Variants in CCDC91 observed in about 807,000 individuals in gnomAD.
The protein encoded by CCDC91 is coiled-coil domain-containing protein 91.
A neutral mutation model predicts 63.2 loss-of-function variants in CCDC91; 48 were observed. The ratio of observed to expected loss-of-function variants is 0.76; its 90% CI spans 0.60 to 0.97. The LOEUF is 0.97. CCDC91 is among the 50% of genes least tolerant of loss of function. CCDC91 has a pLI of 0.00. For synonymous variants in CCDC91, 167 were observed against 165.8 expected (o/e 1.01, Z -0.06); for missense variants, 500 against 494.6 (o/e 1.01, Z -0.10).
intron 1 of CCDC91, among the ~76,000 whole-genome samples, chr12:28,214,962 A>G (rs957270189): frequency 6.6e-6 from 1 of 152,172 alleles, no homozygotes; most frequent in African/African-American, 2.4e-5. Flanking sequence ...ACATTATTCT[A>G]GGTATGTCTT....
intron 8 of CCDC91, among the ~76,000 whole-genome samples, chr12:28,401,355 T>C (rs1311995710): frequency 6.6e-6 from 1 of 152,138 alleles, no homozygotes; most frequent in East Asian, 1.9e-4. Context: ...TCAGTTCTAA[T>C]GAGAACTCCC....
chr12:28,323,881 G>A (rs956776702), intron 6 of CCDC91, among the ~76,000 whole-genome samples: 1 of 151,800 alleles, frequency 6.6e-6, no homozygotes, highest in Admixed American at 6.6e-5. Context: ...CAGTAGTGAG[G>A]GATATTGGTA....
intron 8 of CCDC91, among the ~76,000 whole-genome samples, chr12:28,437,291 A>T (rs896387485): frequency 1.3e-5 from 2 of 151,936 alleles, no homozygotes; most frequent in African/African-American, 4.8e-5. Flanking sequence ...CTTGAGGCAT[A>T]GTTTTTATTT....
At chr12:28,288,301 C>G (rs1004737486) in intron 3 of CCDC91, among the ~76,000 whole-genome samples, 2 of 152,174 alleles carry the variant, frequency 1.3e-5, no homozygotes, top group African/African-American at 4.8e-5. Flanking sequence ...GAAATGCTTT[C>G]AGCTTTTGTC....
At chr12:28,209,905 G>A (rs1457875923) in intron 1 of CCDC91, among the ~76,000 whole-genome samples, 1 of 151,778 alleles carries the variant, frequency 6.6e-6, no homozygotes, top group Non-Finnish European at 1.5e-5. Context: ...ATTTTTTTCA[G>A]TAGTCTCAAT....
At chr12:28,470,916 G>T (rs113911557) in intron 11 of CCDC91, among the ~76,000 whole-genome samples, 4,875 of 152,116 alleles carry the variant, frequency 0.032, 112 homozygotes, top group South Asian at 0.095. Context: ...GATAGTGGAA[G>T]GATGGTTACC....
At chr12:28,376,677 G>C (rs948782718) in intron 7 of CCDC91, among the ~76,000 whole-genome samples, 1 of 151,772 alleles carries the variant, frequency 6.6e-6, no homozygotes, top group African/African-American at 2.4e-5. Flanking sequence ...TTTTTAAAGA[G>C]AAAGTATCTT....
intron 7 of CCDC91, among the ~76,000 whole-genome samples, chr12:28,367,518 T>A (rs1258508005): frequency 2.6e-5 from 4 of 152,172 alleles, no homozygotes; most frequent in African/African-American, 9.7e-5. Flanking sequence ...AGACCTAAAA[T>A]TTATGTTATC....
At chr12:28,210,254 G>A (rs11519332) in intron 1 of CCDC91, among the ~76,000 whole-genome samples, 39,500 of 151,792 alleles carry the variant, frequency 0.26, 5,357 homozygotes, top group Non-Finnish European at 0.31. Flanking sequence ...AATTTAGATC[G>A]TATATCTTTA....
chr12:28,478,508 C>A (rs2140837650), intron 11 of CCDC91, among the ~76,000 whole-genome samples: 1 of 152,160 alleles, frequency 6.6e-6, no homozygotes, highest in Non-Finnish European at 1.5e-5. Flanking sequence ...CCATAAAAAC[C>A]CTAGAAGAAA....
rs567931049 is a variant in CCDC91, at chr12:28,300,769, G to A, written c.110-4880G>A. On this transcript the variant is annotated intron_variant, in intron 3 of 12. Transcript: ENST00000536442. ...AAGAGATATCTTTACCTTTGTTTAG[G>A]TCTATTTCTTTGTCTTTCAGGAGTG... Among the ~76,000 whole-genome samples, 24 of 151,542 alleles carry A rather than the reference G, an allele frequency of 1.6e-4. No homozygotes were observed. In the South Asian group the frequency reaches 5.0e-3, roughly 31 times the overall value.
intron 6 of CCDC91, among the ~76,000 whole-genome samples, chr12:28,328,779 A>G (rs1186740825): frequency 6.6e-6 from 1 of 152,014 alleles, no homozygotes; most frequent in Non-Finnish European, 1.5e-5. Context: ...GTTAGATATG[A>G]TATAAACAGA....
chr12:28,335,343 A>G (rs1299997550), intron 6 of CCDC91, among the ~76,000 whole-genome samples: 1 of 140,640 alleles, frequency 7.1e-6, no homozygotes, highest in East Asian at 2.0e-4. Context: ...ATAAATATTT[A>G]TATATTTAAA....
At chr12:28,202,446 G>C (rs1221860263) in intron 1 of CCDC91, among the ~76,000 whole-genome samples, 3 of 152,114 alleles carry the variant, frequency 2.0e-5, no homozygotes, top group Non-Finnish European at 4.4e-5. Flanking sequence ...TTATTTGTTT[G>C]CATAGTGACT....
chr12:28,483,974 T>G, intron 11 of CCDC91, 78 bp from the exon 12 acceptor site: 1 of 734,078 alleles, frequency 1.4e-6, no homozygotes, highest in Non-Finnish European at 2.3e-6. Flanking sequence ...CTGAAGAGGA[T>G]GTTTAGTTTA....
intron 3 of CCDC91, among the ~76,000 whole-genome samples, chr12:28,305,205 G>T (rs1401034834): frequency 6.6e-6 from 1 of 152,002 alleles, no homozygotes; most frequent in East Asian, 1.9e-4. Flanking sequence ...GGGTGCATCT[G>T]TATTGCTCAC....
intron 6 of CCDC91, among the ~76,000 whole-genome samples, chr12:28,320,925 G>C (rs1940430295): frequency 6.6e-6 from 1 of 151,832 alleles, no homozygotes; most frequent in East Asian, 1.9e-4. Flanking sequence ...TTGAAGAGCT[G>C]TACTCTCCTT....
chr12:28,201,121 G>GC (rs1335989003), intron 1 of CCDC91, among the ~76,000 whole-genome samples: 1 of 150,038 alleles, frequency 6.7e-6, no homozygotes, highest in East Asian at 2.0e-4. Flanking sequence ...GGCTGGCCGG[G>GC]CGGGGGGCTG....
intron 3 of CCDC91, among the ~76,000 whole-genome samples, chr12:28,285,500 T>G (rs1038567178): frequency 6.6e-6 from 1 of 151,890 alleles, no homozygotes; most frequent in African/African-American, 2.4e-5. Context: ...AGTCATATTA[T>G]GATCAAAAGG....
Sources: allele counts gnomAD v4.1 joint callset (sites outside exome capture counted in the v4.1 genomes callset), GRCh38; gene constraint gnomAD v4.1.1; transcripts MANE v1.5; gene names NCBI Gene and HGNC (gene_info 2026-07-23, HGNC 2026-07-21).